JAG2: variants seen among roughly 807,000 people sequenced by gnomAD.
JAG2 encodes jagged canonical Notch ligand 2.
A neutral mutation model predicts 141.7 loss-of-function variants in JAG2; 46 were observed. The observed-to-expected ratio is 0.32, with a 90% CI of 0.26 to 0.42. The LOEUF (loss-of-function observed/expected upper bound fraction) is 0.42, where lower values mean the gene tolerates loss of function less well. Among genes scored for constraint, JAG2 ranks in the 10% least tolerant of loss-of-function variants. The pLI, the probability that JAG2 is intolerant of heterozygous loss-of-function variation, is 1.00. For synonymous variants in JAG2, 862 were observed against 763.5 expected (o/e 1.13, Z -2.13); for missense variants, 1,500 against 1,817.5 (o/e 0.83, Z 3.18).
chr14:105,142,848 C>A lies in JAG2; in HGVS notation c.3564G>T (p.Glu1188Asp). The change falls in exon 26 of 26, where the codon GAG (glutamate) becomes GAT (aspartate). Residue 1188 changes from glutamate to aspartate, a missense_variant. Physicochemically the swap from Glu to Asp is conservative, Grantham distance 45. Coordinates refer to ENST00000331782, the MANE Select transcript of JAG2 (RefSeq NM_002226.5). Reference sequence around the variant, plus strand: ...GGAACTTCTCCGCCTCCAGGGAGTCCTCCTCACCGCGGCCCAGATCCTCGT... The same window carrying A: ...GGAACTTCTCCGCCTCCAGGGAGTCATCCTCACCGCGGCCCAGATCCTCGT... ...EEDEDLGRGE[E>D]DSLEAEKFLS... is the part of the protein sequence containing the mutation. 7.5e-6 allele frequency: 12 copies of A among 1,609,060 alleles called. No homozygotes were observed. The highest frequency in any genetic ancestry group is 1.0e-5 in the Non-Finnish European group (12 of 1,178,176).
At chr14:105,157,820 A>C in intron 2 of JAG2, 57 bp from the exon 3 acceptor site, 1 of 1,472,916 alleles carries the variant, frequency 6.8e-7, no homozygotes, top group Non-Finnish European at 9.2e-7. Context: ...TGCCTCGTTC[A>C]GGGTGGGACA....
intron 2 of JAG2, among the ~76,000 whole-genome samples, chr14:105,163,533 G>T (rs1230008324): frequency 6.6e-6 from 1 of 152,160 alleles, no homozygotes; most frequent in Non-Finnish European, 1.5e-5. Context: ...CTGGGATGTG[G>T]GGATAGGAAT....
Position 105,145,061 on chromosome 14 carries a change from C to A in JAG2, c.2953G>T (p.Gly985Cys). The A allele has an allele frequency of 6.2e-7, 1 of 1,609,902 alleles. No individual in the cohort carries two copies. Among genetic ancestry groups the A allele is most frequent in the South Asian group, 1.1e-5 (1 of 91,050 alleles). ...LHFNRDHVPQGTTVGAICSGI... is the reference protein window; with the variant it reads ...LHFNRDHVPQCTTVGAICSGI... ...GAGCAAATGGCGCCCACCGTGGTGC[C>A]CTGGGCAGAGACAGGCAGTGCGTGG... Residue 985 changes from glycine to cysteine, a missense_variant and splice_region_variant, in exon 24 of 26, where the codon GGC (glycine) becomes TGC (cysteine). Gly to Cys is a radical substitution (Grantham distance 159). Coordinates refer to ENST00000331782, the MANE Select transcript of JAG2 (RefSeq NM_002226.5).
rs763305495 is a variant in JAG2 at position 105,143,495 on chromosome 14, G to T, written c.3228C>A (p.Gly1076=). ...TCCCGCGCTTACCTGTGGAAGAGCC[G>T]CCCGTAACAACCGTCTCCACCTTGA... ...TEVKVETVVT[G]GSSTGLLVPV... Residue 1076 remains glycine, a synonymous_variant, in exon 25 of 26, where the codon GGC becomes GGA. Transcript: ENST00000331782. 3.2e-6 allele frequency: 5 copies of T among 1,559,258 alleles called. No individual in the cohort carries two copies. The East Asian group carries it at 1.2e-4, about 37-fold the overall frequency.
intron 2 of JAG2, among the ~76,000 whole-genome samples, chr14:105,159,176 T>G (rs952309758): frequency 3.7e-5 from 5 of 134,802 alleles, no homozygotes; most frequent in East Asian, 2.7e-4. Context: ...TACAGACAAC[T>G]AGGGCCCAAC....
At chr14:105,146,257 G>A in intron 22 of JAG2, 128 bp downstream of exon 22, 2 of 881,474 alleles carry the variant, frequency 2.3e-6, no homozygotes, top group East Asian at 5.2e-5. Context: ...GCCTCCCTGG[G>A]TGTCCCTGAG....
Position 105,150,906 on chromosome 14 carries a change from T to A in JAG2, c.1387A>T (p.Asn463Tyr). The A allele has an allele frequency of 6.3e-7, 1 of 1,593,362 alleles. No homozygotes were observed. Among genetic ancestry groups the A allele is most frequent in the East Asian group, 2.3e-5 (1 of 43,880 alleles). The change falls in exon 11 of 26, where the codon AAC (asparagine) becomes TAC (tyrosine). Residue 463 changes from asparagine to tyrosine, a missense_variant. By Grantham distance (143) the Asn-to-Tyr change is moderately radical (BLOSUM62 -2). Transcript: ENST00000331782. Reference sequence around the variant, plus strand: ...TGCTGACACTGCCCGCGACAGTCGTTGACGTCTGGGGGCAGAGGAGCAGGG... The same window carrying A: ...TGCTGACACTGCCCGCGACAGTCGTAGACGTCTGGGGGCAGAGGAGCAGGG... The part of the protein sequence containing the change: ...WKGINCHINV[N>Y]DCRGQCQHGG...
Position 105,148,869 on chromosome 14 carries a change from G to C in JAG2, c.1907-11C>G, listed in dbSNP as rs200423307. The C allele has an allele frequency of 3.2e-6, 5 of 1,586,744 alleles. No individual in the cohort carries two copies. Among genetic ancestry groups the C allele is most frequent in the Non-Finnish European group, 4.3e-6 (5 of 1,167,498 alleles). ...GGCAGTCGTCAATGTCTGCAGAGGC[G>C]AGCGGGGTGAGCCAGGGCCTCAGGC... On this transcript the variant is annotated splice_polypyrimidine_tract_variant and intron_variant, in intron 14 of 25. Coordinates refer to ENST00000331782, the MANE Select transcript of JAG2 (RefSeq NM_002226.5).
intron 24 of JAG2, among the ~76,000 whole-genome samples, 154 bp downstream of exon 24, chr14:105,144,776 G>A (rs752252576): frequency 2.0e-5 from 3 of 152,222 alleles, no homozygotes; most frequent in South Asian, 2.1e-4. Context: ...ACGGGTCTGC[G>A]GCATGGACAG....
At chr14:105,162,816 A>C (rs1888796030) in intron 2 of JAG2, among the ~76,000 whole-genome samples, 1 of 138,314 alleles carries the variant, frequency 7.2e-6, no homozygotes, top group Admixed American at 7.1e-5. Flanking sequence ...CTCCAGGTCC[A>C]GGGCACCCCC....
chr14:105,156,191 G>A (rs1888577828), intron 3 of JAG2, among the ~76,000 whole-genome samples: 1 of 95,320 alleles, frequency 1.0e-5, no homozygotes, highest in Non-Finnish European at 2.5e-5. Context: ...CCGCCACCAA[G>A]CCTGCGCCCC....
rs929483493 is a variant in JAG2, at chr14:105,142,267, C to G, written c.*428G>C. ...GCCACACCATCAGCCACGGGTCCCA[C>G]CAACAGCCATGGGCCACACCAACAC... is the stretch of plus-strand genomic sequence containing the variant. On this transcript the variant is annotated 3_prime_UTR_variant, in exon 26 of 26. Transcript: ENST00000331782. 4.6e-5 allele frequency: 8 copies of G among 173,820 alleles called. No individual in the cohort carries two copies. Among genetic ancestry groups the G allele is most frequent in the South Asian group, 4.3e-4 (3 of 6,938 alleles). The allele number at this position is 173,820 out of a possible 1,614,324, so 10.8% of individuals were successfully genotyped here.
chr14:105,144,893 G>C, intron 24 of JAG2, 37 bp downstream of exon 24: 3 of 1,591,438 alleles, frequency 1.9e-6, no homozygotes, highest in Non-Finnish European at 2.6e-6. Context: ...ACGGGACCCA[G>C]GGCCCACCCA....
chr14:105,151,929 C>A lies in JAG2; in HGVS notation c.1039+9G>T, dbSNP rs200732629. Reference sequence around the variant, plus strand: ...TGGCCAGAATTTGGGTGGCCAGCCCCCCACGTACCCTTCTCACAGTTCCTG... The same window carrying A: ...TGGCCAGAATTTGGGTGGCCAGCCCACCACGTACCCTTCTCACAGTTCCTG... On this transcript the variant is annotated intron_variant, in intron 7 of 25. Coordinates refer to ENST00000331782, the MANE Select transcript of JAG2 (RefSeq NM_002226.5). 6.2e-7 allele frequency: 1 copy of A among 1,612,816 alleles called. No individual in the cohort carries two copies. Among genetic ancestry groups the A allele is most frequent in the East Asian group, 2.2e-5 (1 of 44,876 alleles).
rs764146079 is a variant in JAG2 at position 105,148,326 on chromosome 14, G to A, written c.2134C>T (p.Arg712Cys). The change falls in exon 16 of 26, where the codon CGC (arginine) becomes TGC (cysteine). Residue 712 changes from arginine (R) to cysteine (C), a missense_variant and splice_region_variant. Coordinates refer to ENST00000331782, the MANE Select transcript of JAG2 (RefSeq NM_002226.5). Reference protein sequence around the residue: ...DGWKGKTCHSREFQCDAYTCS... With the variant: ...DGWKGKTCHSCEFQCDAYTCS... ...GCGGCCAGGGCCTGCGGACACTCAC[G>A]TGAGTGGCAGGTCTTGCCCTTCCAG... The A allele has an allele frequency of 6.2e-7, 1 of 1,609,668 alleles. No homozygotes were observed. Among genetic ancestry groups the A allele is most frequent in the Non-Finnish European group, 8.5e-7 (1 of 1,178,068 alleles).
intron 18 of JAG2, 102 bp downstream of exon 18, chr14:105,147,670 C>G (rs1470489225): frequency 1.9e-6 from 2 of 1,046,968 alleles, no homozygotes; most frequent in Non-Finnish European, 2.9e-6. Flanking sequence ...GCAGGGGCAG[C>G]AGGGGGAGGG....
chr14:105,149,286 C>A lies in JAG2; in HGVS notation c.1637G>T (p.Arg546Leu), dbSNP rs754097964. 1.2e-5 allele frequency: 20 copies of A among 1,612,592 alleles called. No homozygotes were observed. The highest frequency in any genetic ancestry group is 6.7e-5 in the Admixed American group (4 of 60,012). The change falls in exon 13 of 26, where the codon CGG becomes CTG. Residue 546 changes from arginine (R) to leucine (L), a missense_variant. Physicochemically the swap from Arg to Leu is moderately radical, Grantham distance 102 (BLOSUM62 -2). Coordinates refer to ENST00000331782, the MANE Select transcript of JAG2 (RefSeq NM_002226.5). ...DVDLCEPSPC[R>L]NGARCYNLEG... The stretch of plus-strand genomic sequence containing the variant: ...CAGGTTATAGCAGCGAGCGCCGTTC[C>A]GGCAGGGGCTTGGCTCACAAAGGTC...
intron 24 of JAG2, among the ~76,000 whole-genome samples, chr14:105,143,855 G>A (rs1323455085): frequency 6.6e-6 from 1 of 151,558 alleles, no homozygotes; most frequent in Non-Finnish European, 1.5e-5. Context: ...GGGCACACAG[G>A]AGAGCCCAGG....
Position 105,160,996 on chromosome 14 carries a change from A to G in JAG2, c.418-3233T>C, listed in dbSNP as rs587723623. 2.4e-4 allele frequency among the ~76,000 whole-genome samples: 36 copies of G among 152,334 alleles called. No homozygotes were observed. In the South Asian group the frequency reaches 6.6e-3, roughly 28 times the overall value. ...CCCAGGGGCTGAGAACGCATAGCCCACGGGGACAGTGGGGTCATACCACAG... is the reference window on the plus strand; with the variant it reads ...CCCAGGGGCTGAGAACGCATAGCCCGCGGGGACAGTGGGGTCATACCACAG... On this transcript the variant is annotated intron_variant, in intron 2 of 25. Coordinates refer to ENST00000331782, the MANE Select transcript of JAG2 (RefSeq NM_002226.5).
Sources: allele counts gnomAD v4.1 joint callset (sites outside exome capture counted in the v4.1 genomes callset), GRCh38; gene constraint gnomAD v4.1.1; transcripts MANE v1.5; gene names NCBI Gene and HGNC (gene_info 2026-07-23, HGNC 2026-07-21).